The following GCNT2 variants were observed in gnomAD, a reference collection of about 807,000 sequenced individuals.
GCNT2 encodes glucosaminyl (N-acetyl) transferase 2 (I blood group).
In GCNT2, 34 loss-of-function variants were observed where a neutral mutation model predicts 34.2. The ratio of observed to expected loss-of-function variants is 1.00; its 90% CI spans 0.76 to 1.32. The LOEUF (loss-of-function observed/expected upper bound fraction) is 1.32, where lower values mean the gene tolerates loss of function less well. Among genes scored for constraint, GCNT2 ranks in the 40% most tolerant of loss-of-function variants. GCNT2 has a pLI of 0.00. For missense variants in GCNT2, 584 were observed against 489.4 expected (o/e 1.19, Z -1.82); for synonymous variants, 212 against 188.0 (o/e 1.13, Z -1.04).
At chr6:10,557,458 C>A in intron 3 of GCNT2, 1 of 815,642 alleles carries the variant, frequency 1.2e-6, no homozygotes, top group Non-Finnish European at 2.1e-6. Context: ...ATATATAGTT[C>A]TCACCCTAGT....
chr6:10,576,608 G>A (rs905448802), intron 3 of GCNT2, among the ~76,000 whole-genome samples: 2 of 152,148 alleles, frequency 1.3e-5, no homozygotes, highest in Non-Finnish European at 2.9e-5. Context: ...AGACTTAGGG[G>A]GAGGTAGGAG....
chr6:10,524,904 C>T (rs568732631), intron 1 of GCNT2, among the ~76,000 whole-genome samples: 2 of 149,718 alleles, frequency 1.3e-5, no homozygotes, highest in East Asian at 4.0e-4. Context: ...GATTAAAAAC[C>T]AGTTTAATCC....
At chr6:10,604,379 A>T (rs1765220102) in intron 3 of GCNT2, among the ~76,000 whole-genome samples, 1 of 152,132 alleles carries the variant, frequency 6.6e-6, no homozygotes, top group African/African-American at 2.4e-5. Flanking sequence ...CAAGGTAAAT[A>T]TGCCAAAATG....
At chr6:10,615,945 T>TG (rs1400289942) in intron 3 of GCNT2, among the ~76,000 whole-genome samples, 1 of 152,240 alleles carries the variant, frequency 6.6e-6, no homozygotes, top group Non-Finnish European at 1.5e-5. Flanking sequence ...AAGGTCTTTA[T>TG]GACCTGTATT....
intron 3 of GCNT2, among the ~76,000 whole-genome samples, chr6:10,593,251 G>C (rs554880762): frequency 6.6e-6 from 1 of 152,116 alleles, no homozygotes; most frequent in Admixed American, 6.6e-5. Context: ...CTTTAGAACC[G>C]GCAAGATCAT....
In GCNT2 at chr6:10,574,873, T is replaced by G. The variant is rs963499236; in HGVS notation, c.925+45037T>G. 2.4e-5 allele frequency: 17 copies of G among 698,358 alleles called. No individual in the cohort carries two copies. In the East Asian group the frequency reaches 3.0e-4, roughly 12 times the overall value. The allele number at this position is 698,358 out of a possible 1,614,324, so 43.3% of individuals were successfully genotyped here. Reference sequence around the variant, plus strand: ...TTGAACCCAGGCACCTTTCTCTTTGTCTTCTTTCTTTTTCTGATCGTTTTT... The same window carrying G: ...TTGAACCCAGGCACCTTTCTCTTTGGCTTCTTTCTTTTTCTGATCGTTTTT... On this transcript the variant is annotated intron_variant, in intron 3 of 4. Transcript: ENST00000495262.
chr6:10,562,584 G>C (rs1000919550), intron 3 of GCNT2, among the ~76,000 whole-genome samples: 1 of 148,862 alleles, frequency 6.7e-6, no homozygotes, highest in Admixed American at 6.7e-5. Flanking sequence ...AGGCATGGTG[G>C]TGTGCGCCTG....
chr6:10,575,814 C>T (rs767476821), intron 3 of GCNT2, among the ~76,000 whole-genome samples: 3 of 152,134 alleles, frequency 2.0e-5, no homozygotes, highest in African/African-American at 7.2e-5. Flanking sequence ...TTTCCTGGCT[C>T]GTCCTGGCTC....
At chr6:10,593,568 G>A (rs565480310) in intron 3 of GCNT2, among the ~76,000 whole-genome samples, 4 of 152,160 alleles carry the variant, frequency 2.6e-5, no homozygotes, top group African/African-American at 9.6e-5. Flanking sequence ...AAACTCCAGG[G>A]CTCAATTGAT....
chr6:10,524,409 C>T (rs866615855), intron 1 of GCNT2, among the ~76,000 whole-genome samples: 32 of 152,020 alleles, frequency 2.1e-4, no homozygotes, highest in South Asian at 2.1e-4. Flanking sequence ...TGCGCCACCA[C>T]GCCCGGCTAA....
intron 3 of GCNT2, among the ~76,000 whole-genome samples, chr6:10,582,284 ATAT>A (rs1245788244): frequency 2.6e-5 from 3 of 115,124 alleles, no homozygotes. Context: ...ATATAAATAT[ATAT>A]AATATTACTA....
intron 3 of GCNT2, among the ~76,000 whole-genome samples, chr6:10,587,293 G>A (rs896622959): frequency 3.3e-5 from 5 of 152,362 alleles, no homozygotes; most frequent in African/African-American, 1.2e-4. Context: ...ACGGATGTTA[G>A]ACATCGCTTT....
At chr6:10,624,999 G>C (rs969316381) in intron 4 of GCNT2, among the ~76,000 whole-genome samples, 2 of 152,010 alleles carry the variant, frequency 1.3e-5, no homozygotes, top group South Asian at 2.1e-4. Flanking sequence ...TTCTTTAAGC[G>C]TGTGCTTAAG....
chr6:10,608,532 A>T (rs1222962671), intron 3 of GCNT2, among the ~76,000 whole-genome samples: 1 of 152,138 alleles, frequency 6.6e-6, no homozygotes, highest in Non-Finnish European at 1.5e-5. Flanking sequence ...TGCGAGCTTG[A>T]TAAGTATAAA....
intron 1 of GCNT2, among the ~76,000 whole-genome samples, chr6:10,524,957 C>T (rs1761116901): frequency 6.6e-6 from 1 of 152,082 alleles, no homozygotes; most frequent in South Asian, 2.1e-4. Flanking sequence ...TTCACAGACA[C>T]TGAGAAAGTT....
At chr6:10,562,408 G>C (rs1335654180) in intron 3 of GCNT2, among the ~76,000 whole-genome samples, 3 of 151,978 alleles carry the variant, frequency 2.0e-5, no homozygotes, top group Non-Finnish European at 4.4e-5. Flanking sequence ...CCTCAGATTG[G>C]CCCTGCTTGG....
chr6:10,562,443 C>A (rs1339368498), intron 3 of GCNT2, among the ~76,000 whole-genome samples: 4 of 152,048 alleles, frequency 2.6e-5, no homozygotes, highest in Non-Finnish European at 4.4e-5. Context: ...CCTGGTTGGG[C>A]ACGGTGGCTC....
intron 3 of GCNT2, among the ~76,000 whole-genome samples, chr6:10,551,893 G>T (rs1205468205): frequency 6.6e-6 from 1 of 151,862 alleles, no homozygotes; most frequent in Non-Finnish European, 1.5e-5. Context: ...AAGTAGCTGA[G>T]ATTACAGGTG....
At chr6:10,558,540 C>T (rs990277070) in intron 3 of GCNT2, among the ~76,000 whole-genome samples, 1 of 152,188 alleles carries the variant, frequency 6.6e-6, no homozygotes, top group Non-Finnish European at 1.5e-5. Context: ...GTGTATAAAA[C>T]ATGATGGGAT....
Sources: gnomAD v4.1 joint callset for allele counts (sites outside exome capture counted in the v4.1 genomes callset) on GRCh38, gnomAD v4.1.1 for gene constraint, MANE v1.5 for transcripts, NCBI Gene and HGNC (gene_info 2026-07-23, HGNC 2026-07-21) for gene names.